The following ZNF718 variants were observed in gnomAD, a reference collection of about 807,000 sequenced individuals.
The protein encoded by ZNF718 is zinc finger protein 718.
A neutral mutation model predicts 2.6 loss-of-function variants in ZNF718; 3 were observed. That is an observed-to-expected ratio of 1.16 (90% CI 0.53 to 3.01). The LOEUF (loss-of-function observed/expected upper bound fraction) is 3.01, where lower values mean the gene tolerates loss of function less well. ZNF718 is among the 30% of genes most tolerant of loss of function. The pLI is 0.03. For missense variants in ZNF718, 468 were observed against 230.0 expected, an observed-to-expected ratio of 2.03 and a Z score of -6.69; for synonymous variants, 135 against 77.9, an observed-to-expected ratio of 1.73 and a Z score of -3.86.
intron 3 of ZNF718, among the ~76,000 whole-genome samples, chr4:138,537 C>T (rs1553809767): frequency 6.6e-6 from 1 of 152,110 alleles, no homozygotes; most frequent in African/African-American, 2.4e-5. Context: ...ATGTAAGGGA[C>T]ACTTAGGTTG....
intron 3 of ZNF718, among the ~76,000 whole-genome samples, chr4:175,701 C>T (rs1717331151): frequency 6.6e-6 from 1 of 152,104 alleles, no homozygotes. Context: ...TATTACAAGT[C>T]ATAATACTCT....
chr4:161,329 C>A lies in ZNF718; in HGVS notation c.644C>A (p.Thr215Asn). ...GCCTTTAATTGGTCCTCAATTCTTA[C>A]TAAACATAAGAGAATTCATGCCAGA... Reference protein sequence around the residue: ...GKAFNWSSILTKHKRIHAREK... With the variant: ...GKAFNWSSILNKHKRIHAREK... Residue 215 changes from threonine to asparagine, a missense_variant, in exon 4 of 4, where the codon ACT becomes AAT. Thr to Asn is a moderately conservative substitution (Grantham distance 65). Coordinates refer to ENST00000510175, the MANE Select transcript of ZNF718 (RefSeq NM_001039127.6). 2.6e-6 allele frequency: 2 copies of A among 779,100 alleles called. No homozygotes were observed. The highest frequency in any genetic ancestry group is 4.8e-6 in the Non-Finnish European group (2 of 417,600). The allele number at this position is 779,100 out of a possible 1,614,324, so 48.3% of individuals were successfully genotyped here.
chr4:160,985 A>G lies in ZNF718; in HGVS notation c.300A>G (p.Pro100=). 2.6e-6 allele frequency: 2 copies of G among 781,064 alleles called. No individual in the cohort carries two copies. The highest frequency in any genetic ancestry group is 4.8e-6 in the Non-Finnish European group (2 of 418,104). 48.4% of individuals were successfully genotyped at this position (781,064 alleles called of 1,614,324 possible). The part of the protein sequence containing the change: ...GIEDSFHKLI[P]KGHEKRGHEN... ...AAGATTCATTCCACAAACTTATACC[A>G]AAAGGACATGAGAAACGTGGACATG... Residue 100 remains proline, a synonymous_variant, in exon 4 of 4, where the codon CCA becomes CCG. Transcript: ENST00000510175.
At chr4:198,071 T>A (rs537519620) in intron 3 of ZNF718, among the ~76,000 whole-genome samples, 2 of 152,208 alleles carry the variant, frequency 1.3e-5, no homozygotes, top group African/African-American at 2.4e-5. Flanking sequence ...ACACCTGCCT[T>A]GGGGTAGCAG....
chr4:165,183 C>G (rs1717059214), downstream of ZNF718, among the ~76,000 whole-genome samples: 1 of 151,966 alleles, frequency 6.6e-6, no homozygotes, highest in Non-Finnish European at 1.5e-5. Flanking sequence ...CATGGATTTT[C>G]TAGGTTCTCA....
At chr4:137,604 A>G (rs1022380955) in intron 3 of ZNF718, among the ~76,000 whole-genome samples, 1 of 152,182 alleles carries the variant, frequency 6.6e-6, no homozygotes, top group East Asian at 1.9e-4. Flanking sequence ...AAAGATTAAA[A>G]ATTTTTTCAA....
At chr4:169,046 T>A (rs1394554345), downstream of ZNF718, among the ~76,000 whole-genome samples, 1 of 152,216 alleles carries the variant, frequency 6.6e-6, no homozygotes, top group African/African-American at 2.4e-5. Flanking sequence ...GATTCTGGTA[T>A]GTTGTGTCTT....
intron 3 of ZNF718, among the ~76,000 whole-genome samples, chr4:186,730 G>A (rs1717573135): frequency 6.6e-6 from 1 of 152,108 alleles, no homozygotes. Flanking sequence ...CATTGTGAAG[G>A]TCTTGTAGTG....
chr4:187,464 A>T (rs1252055662), intron 3 of ZNF718, among the ~76,000 whole-genome samples: 2 of 152,022 alleles, frequency 1.3e-5, no homozygotes, highest in African/African-American at 4.8e-5. Flanking sequence ...TGACCTCAAG[A>T]TCCACCCACC....
chr4:161,528 A>C lies in ZNF718; in HGVS notation c.843A>C (p.Lys281Asn). The change falls in exon 4 of 4, where the codon AAA becomes AAC. Residue 281 changes from lysine to asparagine, a missense_variant. Coordinates refer to ENST00000510175, the MANE Select transcript of ZNF718 (RefSeq NM_001039127.6). The stretch of plus-strand genomic sequence containing the variant: ...ATAAGAGAATTCATTCTGCACAAAA[A>C]TACTACAAATGTGAAGAATGTGGTA... ...NLHKRIHSAQKYYKCEECGKA... is the reference protein window; with the variant it reads ...NLHKRIHSAQNYYKCEECGKA... 1.3e-6 allele frequency: 1 copy of C among 780,788 alleles called. No individual in the cohort carries two copies. The allele number at this position is 780,788 out of a possible 1,614,324, so 48.4% of individuals were successfully genotyped here.
At chr4:197,506 G>C (rs1187473829) in intron 3 of ZNF718, among the ~76,000 whole-genome samples, 1 of 152,138 alleles carries the variant, frequency 6.6e-6, no homozygotes, top group Admixed American at 6.5e-5. Flanking sequence ...ACCAAGATTA[G>C]ACCTGACCCA....
intron 3 of ZNF718, chr4:142,082 C>G: frequency 1.9e-6 from 1 of 519,734 alleles, no homozygotes; most frequent in Non-Finnish European, 3.9e-6. Context: ...GGACTTTGGG[C>G]TTTAGGTTAA....
intron 3 of ZNF718, among the ~76,000 whole-genome samples, chr4:173,473 C>T (rs1348702764): frequency 6.6e-6 from 1 of 152,168 alleles, no homozygotes; most frequent in Non-Finnish European, 1.5e-5. Flanking sequence ...AACCTCAGCT[C>T]AGCAGTCAGA....
At chr4:188,688 A>G (rs1366197156) in intron 3 of ZNF718, among the ~76,000 whole-genome samples, 1 of 152,192 alleles carries the variant, frequency 6.6e-6, no homozygotes, top group Non-Finnish European at 1.5e-5. Context: ...TGTCAGGCCC[A>G]AGGCCCTGGT....
chr4:155,191 A>G (rs1716508436), intron 3 of ZNF718, among the ~76,000 whole-genome samples: 1 of 152,228 alleles, frequency 6.6e-6, no homozygotes, highest in African/African-American at 2.4e-5. Flanking sequence ...TGTGGCCCTC[A>G]TGGAGAACCT....
At chr4:187,993 T>C (rs547495665) in intron 3 of ZNF718, among the ~76,000 whole-genome samples, 10 of 152,128 alleles carry the variant, frequency 6.6e-5, no homozygotes, top group African/African-American at 2.2e-4. Context: ...GAAAAATGGA[T>C]TGGGGTCCCA....
At chr4:145,642 G>C (rs1716017862) in intron 3 of ZNF718, among the ~76,000 whole-genome samples, 1 of 151,826 alleles carries the variant, frequency 6.6e-6, no homozygotes. Flanking sequence ...ACTTTATATA[G>C]AGGCAGGGTT....
At chr4:192,515 C>T (rs782535741) in intron 3 of ZNF718, among the ~76,000 whole-genome samples, 2 of 152,164 alleles carry the variant, frequency 1.3e-5, no homozygotes, top group African/African-American at 2.4e-5. Context: ...TCTTAGTCAG[C>T]CCAGGAAATC....
At chr4:190,080 C>A (rs1467804238) in intron 3 of ZNF718, among the ~76,000 whole-genome samples, 2 of 152,036 alleles carry the variant, frequency 1.3e-5, no homozygotes, top group African/African-American at 4.8e-5. Flanking sequence ...TATTTGTGAT[C>A]CTTTTGTCTG....
Sources: allele counts gnomAD v4.1 joint callset (sites outside exome capture counted in the v4.1 genomes callset), GRCh38; gene constraint gnomAD v4.1.1; transcripts MANE v1.5; gene names NCBI Gene and HGNC (gene_info 2026-07-23, HGNC 2026-07-21).